The following KIAA1217 variants were observed in gnomAD, a reference collection of about 807,000 sequenced individuals.
KIAA1217 encodes sickle tail protein homolog.
A neutral mutation model predicts 163.9 loss-of-function variants in KIAA1217; 88 were observed. The observed-to-expected ratio is 0.54, with a 90% CI of 0.45 to 0.64. The LOEUF is 0.64. Among genes scored for constraint, KIAA1217 ranks in the 30% least tolerant of loss-of-function variants. The probability of loss-of-function intolerance (pLI) is 0.00; values close to 1 mark genes in which losing one functional copy is unlikely to be tolerated. For synonymous variants in KIAA1217, 903 were observed against 923.1 expected, an observed-to-expected ratio of 0.98 and a Z score of 0.39; for missense variants, 2,372 against 2,475.0, an observed-to-expected ratio of 0.96 and a Z score of 0.88.
At position 24,536,578 on chromosome 10, in the gene KIAA1217, G is replaced by A. The variant is rs527263626; in HGVS notation, c.3415-196G>A. On this transcript the variant is annotated intron_variant, in intron 16 of 20. Transcript: ENST00000376454. ...AAGAAAGGAAGGCAGCCTTTGCCTCGGACTCTGCCTCCAAGCCAGCTTTGT... is the reference window on the plus strand; with the variant it reads ...AAGAAAGGAAGGCAGCCTTTGCCTCAGACTCTGCCTCCAAGCCAGCTTTGT... Among the ~76,000 whole-genome samples the A allele has an allele frequency of 2.3e-3, 344 of 152,132 alleles. 1 individual carries two copies. The highest frequency in any genetic ancestry group is 8.0e-3 in the African/African-American group (333 of 41,512).
At chr10:23,754,222 G>A (rs1215074636) in intron 1 of KIAA1217, among the ~76,000 whole-genome samples, 1 of 152,112 alleles carries the variant, frequency 6.6e-6, no homozygotes, top group Non-Finnish European at 1.5e-5. Context: ...AATAACACGG[G>A]GAAGGCAATG....
intron 7 of KIAA1217, chr10:24,494,889 C>T: frequency 5.2e-6 from 3 of 576,112 alleles, no homozygotes; most frequent in Non-Finnish European, 9.2e-6. Flanking sequence ...GCAGTGCCTG[C>T]AACCACCACC....
rs72776738 is a variant in KIAA1217, at chr10:24,378,552, A to G, written c.355-2317A>G. On this transcript the variant is annotated intron_variant, in intron 2 of 20. Transcript: ENST00000376454. ...TATCTTTTGCCCCCATATAGACCTT[A>G]CATGCTTGACGAGCTCAAGAACTTT... Among the ~76,000 whole-genome samples the G allele has an allele frequency of 5.2e-3, 796 of 152,092 alleles. 4 individuals are homozygous for G. The highest frequency in any genetic ancestry group is 8.0e-3 in the Non-Finnish European group (541 of 68,008).
intron 2 of KIAA1217, among the ~76,000 whole-genome samples, chr10:24,198,853 T>C (rs577054374): frequency 5.3e-5 from 8 of 152,312 alleles, no homozygotes; most frequent in Middle Eastern, 3.4e-3. Context: ...AGTAACGAGA[T>C]GGATGAATTG....
intron 8 of KIAA1217, 55 bp from the exon 9 acceptor site, chr10:24,501,324 T>C: frequency 6.5e-7 from 1 of 1,541,478 alleles, no homozygotes; most frequent in Non-Finnish European, 8.9e-7. Context: ...ATGGGATGCA[T>C]AGCTTAGACT....
At chr10:23,863,362 A>T (rs7903806) in intron 1 of KIAA1217, among the ~76,000 whole-genome samples, 57,192 of 152,062 alleles carry the variant, frequency 0.38, 15,311 homozygotes, top group African/African-American at 0.76. Context: ...TTCCATTGTG[A>T]TAGTATTAAG....
At chr10:23,958,961 G>A (rs926836884) in intron 1 of KIAA1217, among the ~76,000 whole-genome samples, 2 of 149,132 alleles carry the variant, frequency 1.3e-5, no homozygotes, top group African/African-American at 5.0e-5. Context: ...ATCTAGTAGG[G>A]TGTCTCATCC....
At chr10:24,309,150 AAGGGAGGGAGGG>A (rs1162538496) in intron 2 of KIAA1217, among the ~76,000 whole-genome samples, 16 of 115,508 alleles carry the variant, frequency 1.4e-4, no homozygotes, top group African/African-American at 4.6e-4. Context: ...GGAAGGAAGG[AAGGGAGGGAGGG>A]AGGGAGGGAA....
chr10:23,802,292 T>G (rs1836506776), intron 1 of KIAA1217, among the ~76,000 whole-genome samples: 1 of 152,186 alleles, frequency 6.6e-6, no homozygotes, highest in Admixed American at 6.5e-5. Context: ...ACGGTGTCTG[T>G]TCCAACACAT....
At chr10:24,238,837 CA>C (rs1312125606) in intron 2 of KIAA1217, among the ~76,000 whole-genome samples, 31 of 152,150 alleles carry the variant, frequency 2.0e-4, no homozygotes, top group African/African-American at 7.2e-4. Context: ...CAGGGAGGGG[CA>C]GATTAACGAA....
intron 2 of KIAA1217, among the ~76,000 whole-genome samples, chr10:24,349,925 G>A (rs1481354492): frequency 2.6e-5 from 4 of 152,196 alleles, no homozygotes; most frequent in East Asian, 3.8e-4. Context: ...GAGCTGAAGA[G>A]CAGGCCTTTG....
chr10:24,403,921 A>G (rs534614055), intron 3 of KIAA1217, among the ~76,000 whole-genome samples: 26 of 152,268 alleles, frequency 1.7e-4, no homozygotes, highest in South Asian at 1.2e-3. Context: ...GTAAAATGGA[A>G]TAGCCACGCT....
chr10:23,819,947 A>G (rs960677949), intron 1 of KIAA1217, among the ~76,000 whole-genome samples: 3 of 152,214 alleles, frequency 2.0e-5, no homozygotes, highest in Non-Finnish European at 4.4e-5. Context: ...TCTAAGCTCT[A>G]AAGATCTATA....
intron 2 of KIAA1217, among the ~76,000 whole-genome samples, chr10:24,152,291 T>C (rs1235576190): frequency 6.6e-6 from 1 of 152,226 alleles, no homozygotes; most frequent in African/African-American, 2.4e-5. Flanking sequence ...ATGGTAGCAA[T>C]GTGCTATAAA....
chr10:24,298,291 T>C (rs1280415332), intron 2 of KIAA1217, among the ~76,000 whole-genome samples: 1 of 124,824 alleles, frequency 8.0e-6, no homozygotes, highest in African/African-American at 3.7e-5. Flanking sequence ...GTTTAGAAAT[T>C]TTTTTTTTCT....
At chr10:24,043,691 GA>G (rs907952905) in intron 2 of KIAA1217, among the ~76,000 whole-genome samples, 68 of 152,046 alleles carry the variant, frequency 4.5e-4, no homozygotes, top group African/African-American at 1.6e-3. Context: ...ATAAAGACAT[GA>G]AAAATTCTTA....
chr10:24,261,244 T>G (rs2075694114), intron 2 of KIAA1217, among the ~76,000 whole-genome samples: 1 of 152,154 alleles, frequency 6.6e-6, no homozygotes, highest in East Asian at 1.9e-4. Flanking sequence ...ATGACTCTAA[T>G]TACAGCACTC....
chr10:23,780,127 G>A (rs978632323), intron 1 of KIAA1217, among the ~76,000 whole-genome samples: 2 of 152,162 alleles, frequency 1.3e-5, no homozygotes, highest in Non-Finnish European at 2.9e-5. Context: ...CCTCACTTAC[G>A]TAACCAAGTT....
intron 2 of KIAA1217, among the ~76,000 whole-genome samples, chr10:24,154,374 C>G (rs1013862034): frequency 6.6e-6 from 1 of 151,966 alleles, no homozygotes; most frequent in Non-Finnish European, 1.5e-5. Context: ...CTGCAGTGAG[C>G]TGTGATCACG....
Sources: gnomAD v4.1 joint callset for allele counts (sites outside exome capture counted in the v4.1 genomes callset) on GRCh38, gnomAD v4.1.1 for gene constraint, MANE v1.5 for transcripts, NCBI Gene and HGNC (gene_info 2026-07-23, HGNC 2026-07-21) for gene names.